The following ZNF273 variants were observed in gnomAD, a reference collection of about 807,000 sequenced individuals.
ZNF273 encodes the protein zinc finger protein 9.
A neutral mutation model predicts 14.9 loss-of-function variants in ZNF273; 11 were observed. The ratio of observed to expected loss-of-function variants is 0.74; its 90% confidence interval spans 0.46 to 1.22. The LOEUF (loss-of-function observed/expected upper bound fraction) is 1.22, where lower values mean the gene tolerates loss of function less well. Among genes scored for constraint, ZNF273 ranks in the 50% most tolerant of loss-of-function variants. ZNF273 has a pLI of 0.00. For missense variants in ZNF273, 577 were observed against 660.6 expected, an observed-to-expected ratio of 0.87 and a Z score of 1.39; for synonymous variants, 199 against 223.9, an observed-to-expected ratio of 0.89 and a Z score of 0.99.
At chr7:64,911,547 G>A (rs900680957) in intron 1 of ZNF273, among the ~76,000 whole-genome samples, 25 of 152,162 alleles carry the variant, frequency 1.6e-4, no homozygotes, top group Non-Finnish European at 3.5e-4. Context: ...ACAGGTGTGA[G>A]CCACTGTGCC....
At chr7:64,922,387 G>A (rs2129094393) in intron 3 of ZNF273, among the ~76,000 whole-genome samples, 1 of 151,808 alleles carries the variant, frequency 6.6e-6, no homozygotes, top group Middle Eastern at 3.4e-3. Flanking sequence ...GGAGTGCAGT[G>A]GCATGATCTC....
downstream of ZNF273, among the ~76,000 whole-genome samples, chr7:64,883,216 C>CT (rs1562946568): frequency 1.4e-5 from 2 of 138,878 alleles, no homozygotes; most frequent in African/African-American, 5.6e-5. Context: ...AAATCACCAC[C>CT]CCCCCCTCAC....
intron 2 of ZNF273, among the ~76,000 whole-genome samples, chr7:64,878,668 A>G (rs1337825174): frequency 2.6e-5 from 4 of 152,216 alleles, no homozygotes; most frequent in African/African-American, 7.2e-5. Flanking sequence ...ACATTTGGGG[A>G]ACCACTGGAG....
At chr7:64,878,675 G>T (rs1293010124) in intron 2 of ZNF273, among the ~76,000 whole-genome samples, 2 of 152,346 alleles carry the variant, frequency 1.3e-5, no homozygotes, top group East Asian at 3.9e-4. Context: ...GGGAACCACT[G>T]GAGCCCAAAC....
At chr7:64,888,601 C>A in exon 2 of ZNF273, 1 of 985,886 alleles carries the variant, frequency 1.0e-6, no homozygotes, top group Non-Finnish European at 1.2e-6. Context: ...CGCCCTCCAC[C>A]TTCTCCACCA....
chr7:64,918,675 A>G (rs2129084498), intron 3 of ZNF273, among the ~76,000 whole-genome samples: 1 of 151,106 alleles, frequency 6.6e-6, no homozygotes, highest in Admixed American at 6.6e-5. Flanking sequence ...AAAAAAAAAA[A>G]AAAAAAAAAA....
chr7:64,925,587 G>A (rs777504946), intron 3 of ZNF273, among the ~76,000 whole-genome samples: 2 of 151,948 alleles, frequency 1.3e-5, no homozygotes, highest in East Asian at 1.9e-4. Flanking sequence ...ACAGGCGCGC[G>A]CCACCATGCC....
At chr7:64,923,626 G>A (rs1175261322) in intron 3 of ZNF273, 1 of 259,018 alleles carries the variant, frequency 3.9e-6, no homozygotes, top group African/African-American at 2.3e-5. Flanking sequence ...ACAGGCATGA[G>A]CCACAGTGCC....
exon 2 of ZNF273, chr7:64,888,685 G>T (rs369340580): frequency 2.0e-6 from 2 of 985,590 alleles, no homozygotes; most frequent in African/African-American, 3.5e-5. Context: ...CAAAGTCTTC[G>T]GGGTGAGAGG....
Position 64,930,493 on chromosome 7 carries a change from T to A in ZNF273, c.*1455T>A, listed in dbSNP as rs1794966879. On this transcript the variant is annotated 3_prime_UTR_variant, in exon 4 of 4. Coordinates refer to ENST00000476120, the MANE Select transcript of ZNF273 (RefSeq NM_021148.3). ...AGTACATTTCAAAATTTTTAGATTA[T>A]GTATGAACTTAGATTTTTAAACATG... The A allele has an allele frequency of 6.6e-6, 1 of 152,210 alleles. No individual in the cohort carries two copies. The highest frequency in any genetic ancestry group is 1.5e-5 in the Non-Finnish European group (1 of 68,028). 9.4% of individuals were successfully genotyped at this position (152,210 alleles called of 1,614,324 possible).
At chr7:64,918,089 G>C in intron 2 of ZNF273, 108 bp from the exon 3 acceptor site, 1 of 995,806 alleles carries the variant, frequency 1.0e-6, no homozygotes, top group South Asian at 1.7e-5. Context: ...AGATATTTTG[G>C]GATTAATTTA....
chr7:64,883,920 G>C (rs546973041), downstream of ZNF273, among the ~76,000 whole-genome samples: 2 of 152,138 alleles, frequency 1.3e-5, no homozygotes. Flanking sequence ...CACGTTTTGC[G>C]GACTAGGCAG....
At chr7:64,925,540 C>G (rs191792005) in intron 3 of ZNF273, among the ~76,000 whole-genome samples, 1 of 152,174 alleles carries the variant, frequency 6.6e-6, no homozygotes, top group East Asian at 1.9e-4. Context: ...CAGGTTCAAA[C>G]AATTCTCCTG....
At chr7:64,898,710 G>A (rs1403357023), upstream of ZNF273, among the ~76,000 whole-genome samples, 1 of 152,192 alleles carries the variant, frequency 6.6e-6, no homozygotes, top group Non-Finnish European at 1.5e-5. Flanking sequence ...TCAGTTTCCA[G>A]TATTCACATT....
downstream of ZNF273, chr7:64,882,405 A>C (rs1376912847): frequency 6.6e-6 from 1 of 151,994 alleles, no homozygotes; most frequent in African/African-American, 2.4e-5. Context: ...CCTTTTCCTG[A>C]CCAGGCCGTC....
At chr7:64,920,392 A>G (rs144217579) in intron 3 of ZNF273, among the ~76,000 whole-genome samples, 32 of 152,290 alleles carry the variant, frequency 2.1e-4, no homozygotes, top group Admixed American at 5.9e-4. Flanking sequence ...ATTTCTATGT[A>G]GGCAGAACCG....
intron 1 of ZNF273, among the ~76,000 whole-genome samples, chr7:64,912,405 A>G (rs549995851): frequency 6.6e-6 from 1 of 152,154 alleles, no homozygotes; most frequent in African/African-American, 2.4e-5. Flanking sequence ...TTCTTCCACT[A>G]TTACTGTGCT....
downstream of ZNF273, among the ~76,000 whole-genome samples, chr7:64,934,101 G>A (rs1400944308): frequency 3.3e-5 from 5 of 152,120 alleles, no homozygotes; most frequent in Non-Finnish European, 7.4e-5. Context: ...CACCATGTTG[G>A]CCAGGCTGGT....
intron 2 of ZNF273, 30 bp from the exon 3 acceptor site, chr7:64,918,167 G>T: frequency 6.5e-7 from 1 of 1,532,790 alleles, no homozygotes; most frequent in Non-Finnish European, 8.8e-7. Flanking sequence ...ATATGAGCAA[G>T]ATTCATGTTA....
Sources: allele counts gnomAD v4.1 joint callset (sites outside exome capture counted in the v4.1 genomes callset), GRCh38; gene constraint gnomAD v4.1.1; transcripts MANE v1.5; gene names NCBI Gene and HGNC (gene_info 2026-07-23, HGNC 2026-07-21).